SNAP91: variants seen among roughly 807,000 people sequenced by gnomAD.
The protein encoded by SNAP91 is synaptosome associated protein 91.
In SNAP91, 27 loss-of-function variants were observed where a neutral mutation model predicts 100.3. That is an observed-to-expected ratio of 0.27 (90% CI 0.20 to 0.37). The LOEUF is 0.37. Ranked by LOEUF, SNAP91 falls within the 10% of genes least tolerant of loss-of-function variation. The pLI is 1.00. For missense variants in SNAP91, 986 were observed against 1,123.7 expected (o/e 0.88, Z 1.75); for synonymous variants, 404 against 398.6 (o/e 1.01, Z -0.16).
At chr6:83,609,044 GT>G (rs2128296828) in intron 12 of SNAP91, among the ~76,000 whole-genome samples, 1 of 152,218 alleles carries the variant, frequency 6.6e-6, no homozygotes, top group African/African-American at 2.4e-5. Context: ...ATGTAAATAA[GT>G]TTAGAAAAAA....
At chr6:83,587,171 T>A (rs1287372860) in intron 22 of SNAP91, among the ~76,000 whole-genome samples, 2 of 152,142 alleles carry the variant, frequency 1.3e-5, no homozygotes, top group Non-Finnish European at 2.9e-5. Flanking sequence ...ATGTTTAGTT[T>A]AAAATCTCTA....
At chr6:83,644,515 T>C (rs1018377491) in intron 7 of SNAP91, among the ~76,000 whole-genome samples, 1 of 152,200 alleles carries the variant, frequency 6.6e-6, no homozygotes, top group Non-Finnish European at 1.5e-5. Context: ...ATGTTAACTT[T>C]CAATATTTGA....
At chr6:83,562,695 C>T (rs1789918252) in intron 26 of SNAP91, among the ~76,000 whole-genome samples, 1 of 152,170 alleles carries the variant, frequency 6.6e-6, no homozygotes, top group Admixed American at 6.5e-5. Flanking sequence ...CCACAACAAC[C>T]AACTCTCAGT....
chr6:83,677,558 G>A (rs1056696157), intron 2 of SNAP91, among the ~76,000 whole-genome samples: 3 of 152,060 alleles, frequency 2.0e-5, no homozygotes, highest in African/African-American at 7.2e-5. Flanking sequence ...AATCCTTAGG[G>A]TAGTAGAAAA....
Position 83,605,806 on chromosome 6 carries a change from G to A in SNAP91, c.1023-3C>T, listed in dbSNP as rs2095572542. 6.6e-7 allele frequency: 1 copy of A among 1,524,812 alleles called. No homozygotes were observed. The allele number at this position is 1,524,812 out of a possible 1,614,324, so 94.5% of individuals were successfully genotyped here. A position where few individuals can be genotyped will look rare whatever the true frequency, so the allele number is the denominator to read the frequency against. On this transcript the variant is annotated splice_polypyrimidine_tract_variant and splice_region_variant and intron_variant, in intron 13 of 29. Coordinates refer to ENST00000369694, the MANE Select transcript of SNAP91 (RefSeq NM_001242792.2). ...GATCACTAGATGGTTTAGAAGTGCT[G>A]AAAGGAAAATAAAACATTAAAATCA... is the stretch of plus-strand genomic sequence containing the variant.
intron 23 of SNAP91, 127 bp from the exon 24 acceptor site, chr6:83,580,726 G>T: frequency 1.2e-6 from 1 of 845,078 alleles, no homozygotes; most frequent in Non-Finnish European, 1.8e-6. Flanking sequence ...AAGAAGGCAA[G>T]TAATTCACAC....
chr6:83,575,566 T>C, intron 25 of SNAP91: 1 of 224,482 alleles, frequency 4.5e-6, no homozygotes, highest in Non-Finnish European at 8.6e-6. Context: ...CTTACAGTGA[T>C]CGTAAGACAC....
intron 26 of SNAP91, among the ~76,000 whole-genome samples, chr6:83,563,859 A>G (rs555445281): frequency 6.6e-6 from 1 of 152,330 alleles, no homozygotes; most frequent in South Asian, 2.1e-4. Flanking sequence ...TTAAAGAAGA[A>G]CTAAATAAAT....
Position 83,553,812 on chromosome 6 carries a change from G to T in SNAP91, c.*484C>A. On this transcript the variant is annotated 3_prime_UTR_variant, in exon 30 of 30. Transcript: ENST00000369694. ...ATGTACTCCACACTGAAAAAGTTTT[G>T]TATATTTATGAGTGTTTTCCTTATT... is the stretch of plus-strand genomic sequence containing the variant. 1 of 152,104 alleles carries T rather than the reference G, an allele frequency of 6.6e-6. No individual in the cohort carries two copies. Among genetic ancestry groups the T allele is most frequent in the Non-Finnish European group, 1.5e-5 (1 of 68,014 alleles). 9.4% of individuals were successfully genotyped at this position (152,104 alleles called of 1,614,324 possible). A position where few individuals can be genotyped will look rare whatever the true frequency, so the allele number is the denominator to read the frequency against.
At chr6:83,629,705 G>T (rs2097127824) in intron 8 of SNAP91, among the ~76,000 whole-genome samples, 1 of 152,132 alleles carries the variant, frequency 6.6e-6, no homozygotes, top group African/African-American at 2.4e-5. Context: ...CATTAATTTT[G>T]TATCCAGAAA....
intron 2 of SNAP91, among the ~76,000 whole-genome samples, chr6:83,703,159 T>TG (rs1491278873): frequency 2.4e-5 from 2 of 83,808 alleles, no homozygotes; most frequent in African/African-American, 7.3e-5. Flanking sequence ...AGAGGGTGTG[T>TG]TTTTTTTTTT....
intron 26 of SNAP91, among the ~76,000 whole-genome samples, chr6:83,572,030 A>T (rs1808780011): frequency 6.6e-6 from 1 of 152,010 alleles, no homozygotes; most frequent in Non-Finnish European, 1.5e-5. Context: ...TTCCGCCATG[A>T]TTGTGAGGCC....
At chr6:83,673,501 T>G (rs2098817856) in intron 2 of SNAP91, among the ~76,000 whole-genome samples, 2 of 152,194 alleles carry the variant, frequency 1.3e-5, no homozygotes, top group African/African-American at 4.8e-5. Context: ...GTCTATGATG[T>G]TTTGGTAGCC....
intron 24 of SNAP91, among the ~76,000 whole-genome samples, chr6:83,579,584 T>C (rs559033905): frequency 6.6e-6 from 1 of 152,274 alleles, no homozygotes; most frequent in South Asian, 2.1e-4. Context: ...TTCACATGAA[T>C]ACAAAATTCA....
In SNAP91 at chr6:83,589,939, C is replaced by G. The variant is rs940665150; in HGVS notation, c.2014+1272G>C. Among the ~76,000 whole-genome samples the G allele has an allele frequency of 3.5e-4, 54 of 152,238 alleles. 1 individual carries two copies. The highest frequency in any genetic ancestry group is 3.1e-3 in the Admixed American group (47 of 15,292). On this transcript the variant is annotated intron_variant, in intron 22 of 29. Coordinates refer to ENST00000369694, the MANE Select transcript of SNAP91 (RefSeq NM_001242792.2). ...TAACTTGTAATTTTATGGGCTATATCCACACTAAAAAAGGGAACTATTCAT... is the reference window on the plus strand; with the variant it reads ...TAACTTGTAATTTTATGGGCTATATGCACACTAAAAAAGGGAACTATTCAT...
chr6:83,682,675 T>C (rs1261789638), intron 2 of SNAP91, among the ~76,000 whole-genome samples: 1 of 152,022 alleles, frequency 6.6e-6, no homozygotes, highest in Non-Finnish European at 1.5e-5. Context: ...GCTGGTGTGC[T>C]GCACCCATTA....
At chr6:83,586,473 G>T (rs2128157379) in intron 22 of SNAP91, among the ~76,000 whole-genome samples, 1 of 152,258 alleles carries the variant, frequency 6.6e-6, no homozygotes, top group Middle Eastern at 3.4e-3. Context: ...GTCTATGATG[G>T]AAAAACATGG....
At chr6:83,565,190 G>C (rs1794855435) in intron 26 of SNAP91, among the ~76,000 whole-genome samples, 1 of 151,748 alleles carries the variant, frequency 6.6e-6, no homozygotes, top group Admixed American at 6.6e-5. Flanking sequence ...GCCTTTTCAG[G>C]CTTCAGTACA....
In SNAP91 at chr6:83,655,466, T is replaced by G. The variant is rs190940002; in HGVS notation, c.658+1288A>C. ...GCAGATTCAAATGCTGTAGAGTACCTCTGGTACACTCCAATACAGGCCTCC... is the reference window on the plus strand; with the variant it reads ...GCAGATTCAAATGCTGTAGAGTACCGCTGGTACACTCCAATACAGGCCTCC... On this transcript the variant is annotated intron_variant, in intron 7 of 29. Transcript: ENST00000369694. Among the ~76,000 whole-genome samples, 130 of 152,270 alleles carry G rather than the reference T, an allele frequency of 8.5e-4. 1 individual carries two copies. The East Asian group carries it at 0.021, about 24-fold the overall frequency.
Sources: gnomAD v4.1 joint callset for allele counts (sites outside exome capture counted in the v4.1 genomes callset) on GRCh38, gnomAD v4.1.1 for gene constraint, MANE v1.5 for transcripts, NCBI Gene and HGNC (gene_info 2026-07-23, HGNC 2026-07-21) for gene names.